ACO1: variants seen among roughly 807,000 people sequenced by gnomAD.
The protein encoded by ACO1 is aconitase 1.
In ACO1, 78 loss-of-function variants were observed where a neutral mutation model predicts 105.1. The observed-to-expected ratio is 0.74, with a 90% confidence interval of 0.62 to 0.90. ACO1 has a LOEUF of 0.90. ACO1 is among the 40% of genes least tolerant of loss of function. The pLI, the probability that ACO1 is intolerant of heterozygous loss-of-function variation, is 0.00. For missense variants in ACO1, 965 were observed against 1,111.1 expected, an observed-to-expected ratio of 0.87 and a Z score of 1.87; for synonymous variants, 364 against 397.4, an observed-to-expected ratio of 0.92 and a Z score of 1.00.
At chr9:32,406,379 C>T (rs546417706) in intron 2 of ACO1, among the ~76,000 whole-genome samples, 11 of 152,236 alleles carry the variant, frequency 7.2e-5, no homozygotes, top group African/African-American at 9.6e-5. Context: ...CCCTGCACTT[C>T]GGGAGGCCAA....
chr9:32,431,210 A>C (rs1822227534), intron 14 of ACO1, among the ~76,000 whole-genome samples: 1 of 152,216 alleles, frequency 6.6e-6, no homozygotes, highest in Non-Finnish European at 1.5e-5. Context: ...TATATCATTC[A>C]ACACACACGT....
chr9:32,450,032 G>T lies in ACO1; in HGVS notation c.2591G>T (p.Arg864Met). ...GGCAAGACCTTCCAGGCTGTCATGAGGTTTGACACTGATGTGGAGCTCACT... is the reference window on the plus strand; with the variant it reads ...GGCAAGACCTTCCAGGCTGTCATGATGTTTGACACTGATGTGGAGCTCACT... ...DTGKTFQAVMRFDTDVELTYF... is the reference protein window; with the variant it reads ...DTGKTFQAVMMFDTDVELTYF... The change falls in exon 21 of 21, where the codon AGG becomes ATG. Residue 864 changes from arginine (R) to methionine (M), a missense_variant. By Grantham distance (91) the Arg-to-Met change is moderately conservative. Transcript: ENST00000309951. The T allele has an allele frequency of 6.2e-7, 1 of 1,614,106 alleles. No individual in the cohort carries two copies. The highest frequency in any genetic ancestry group is 8.5e-7 in the Non-Finnish European group (1 of 1,180,010).
intron 1 of ACO1, among the ~76,000 whole-genome samples, chr9:32,391,651 G>T (rs1362128313): frequency 6.6e-6 from 1 of 152,180 alleles, no homozygotes; most frequent in African/African-American, 2.4e-5. Context: ...AGACATGTAT[G>T]GAACACTTAA....
chr9:32,436,862 A>G (rs1822372884), intron 18 of ACO1, among the ~76,000 whole-genome samples: 1 of 152,202 alleles, frequency 6.6e-6, no homozygotes, highest in Non-Finnish European at 1.5e-5. Flanking sequence ...TCCCAGCTCC[A>G]CGTTATACTA....
At chr9:32,447,913 G>A (rs902361398) in intron 19 of ACO1, among the ~76,000 whole-genome samples, 2 of 152,156 alleles carry the variant, frequency 1.3e-5, no homozygotes, top group African/African-American at 2.4e-5. Context: ...GAACAGCAAC[G>A]ATTGCTGCCT....
intron 19 of ACO1, among the ~76,000 whole-genome samples, chr9:32,441,242 A>G (rs1822474081): frequency 6.6e-6 from 1 of 152,148 alleles, no homozygotes; most frequent in South Asian, 2.1e-4. Context: ...AGGTGTCCCC[A>G]TAGAAGGGGC....
At chr9:32,390,896 A>G (rs1205570399) in intron 1 of ACO1, among the ~76,000 whole-genome samples, 1 of 152,206 alleles carries the variant, frequency 6.6e-6, no homozygotes, top group East Asian at 1.9e-4. Flanking sequence ...CATACAATGC[A>G]TCCCCTCACC....
chr9:32,416,296 T>C (rs1014368422), intron 4 of ACO1, among the ~76,000 whole-genome samples: 3 of 152,094 alleles, frequency 2.0e-5, no homozygotes, highest in Admixed American at 2.0e-4. Flanking sequence ...GGTTTCACCA[T>C]GTTGGCCAGT....
chr9:32,425,122 C>T (rs901175207), intron 10 of ACO1, among the ~76,000 whole-genome samples: 3 of 152,238 alleles, frequency 2.0e-5, no homozygotes, highest in Non-Finnish European at 4.4e-5. Context: ...GGCTGAAATA[C>T]TTCGATAGCA....
chr9:32,444,975 A>C (rs559222549), intron 19 of ACO1, among the ~76,000 whole-genome samples: 1 of 152,274 alleles, frequency 6.6e-6, no homozygotes, highest in African/African-American at 2.4e-5. Context: ...CCACTTGATC[A>C]TGGTAGATAA....
Position 32,440,490 on chromosome 9 carries a change from G to A in ACO1, c.2273G>A (p.Arg758Gln), listed in dbSNP as rs147409743. ...EILDVFDAAERYQQAGLPLIV... is the reference protein window; with the variant it reads ...EILDVFDAAEQYQQAGLPLIV... ...CTTGATGTGTTTGATGCTGCTGAGCGGTACCAGCAGGCAGGCCTTCCCCTG... is the reference window on the plus strand; with the variant it reads ...CTTGATGTGTTTGATGCTGCTGAGCAGTACCAGCAGGCAGGCCTTCCCCTG... The change falls in exon 19 of 21, where the codon CGG (arginine) becomes CAG (glutamine). Residue 758 changes from arginine (R) to glutamine (Q), a missense_variant. Transcript: ENST00000309951. 467 of 1,613,792 alleles carry A rather than the reference G, an allele frequency of 2.9e-4. No homozygotes were observed. Among genetic ancestry groups the A allele is most frequent in the Non-Finnish European group, 3.6e-4 (419 of 1,179,916 alleles).
chr9:32,440,956 C>A (rs574495181), intron 19 of ACO1, among the ~76,000 whole-genome samples: 43 of 152,266 alleles, frequency 2.8e-4, no homozygotes, highest in African/African-American at 9.9e-4. Context: ...CAAATTTATT[C>A]AGGTCCCTTG....
At chr9:32,426,083 T>C (rs963291727) in intron 11 of ACO1, 86 bp downstream of exon 11, 24 of 1,399,656 alleles carry the variant, frequency 1.7e-5, no homozygotes, top group Non-Finnish European at 2.4e-5. Context: ...TTGGCGGAGT[T>C]GTACATGTAG....
chr9:32,417,829 G>A (rs1821884004), intron 4 of ACO1, among the ~76,000 whole-genome samples: 1 of 152,204 alleles, frequency 6.6e-6, no homozygotes. Flanking sequence ...AATGTCTTGA[G>A]TCTGTTCCTA....
intron 19 of ACO1, among the ~76,000 whole-genome samples, chr9:32,446,404 G>C (rs560669799): frequency 6.6e-6 from 1 of 152,220 alleles, no homozygotes; most frequent in Non-Finnish European, 1.5e-5. Context: ...GACTAGGATT[G>C]CAACCCCTGC....
At chr9:32,408,061 T>C (rs1419253622) in intron 3 of ACO1, among the ~76,000 whole-genome samples, 1 of 152,210 alleles carries the variant, frequency 6.6e-6, no homozygotes, top group East Asian at 1.9e-4. Flanking sequence ...AAAAGAGAGA[T>C]TCATTTAACA....
intron 2 of ACO1, 80 bp from the exon 3 acceptor site, chr9:32,407,181 C>T (rs1354351132): frequency 7.4e-7 from 1 of 1,353,774 alleles, no homozygotes; most frequent in Admixed American, 1.8e-5. Context: ...CTCATATCAA[C>T]TTTATATAGA....
At chr9:32,415,275 CATG>C (rs1462850061) in intron 4 of ACO1, among the ~76,000 whole-genome samples, 1 of 152,094 alleles carries the variant, frequency 6.6e-6, no homozygotes, top group Non-Finnish European at 1.5e-5. Context: ...CAGACTGGTG[CATG>C]ATGATTTATA....
chr9:32,399,027 T>C (rs954249106), intron 1 of ACO1, among the ~76,000 whole-genome samples: 1 of 152,196 alleles, frequency 6.6e-6, no homozygotes, highest in Non-Finnish European at 1.5e-5. Flanking sequence ...ATCATCCCCT[T>C]TCCTTGCTAT....
Sources: allele counts gnomAD v4.1 joint callset (sites outside exome capture counted in the v4.1 genomes callset), GRCh38; gene constraint gnomAD v4.1.1; transcripts MANE v1.5; gene names NCBI Gene and HGNC (gene_info 2026-07-23, HGNC 2026-07-21).